Variants in STK3 observed in about 807,000 individuals in gnomAD.
STK3 encodes serine/threonine kinase 3, also known as serine/threonine-protein kinase 3.
Under a neutral mutation model 58.0 loss-of-function variants are expected in STK3, and 41 were observed. The ratio of observed to expected loss-of-function variants is 0.71; its 90% CI spans 0.55 to 0.92. STK3 has a LOEUF of 0.92. Among genes scored for constraint, STK3 ranks in the 40% least tolerant of loss-of-function variants. STK3 has a pLI of 0.00. For missense variants in STK3, 479 were observed against 602.7 expected, an observed-to-expected ratio of 0.79 and a Z score of 2.15; for synonymous variants, 170 against 191.0, an observed-to-expected ratio of 0.89 and a Z score of 0.91.
chr8:98,397,070 A>G (rs537527608), downstream of STK3, among the ~76,000 whole-genome samples: 1 of 152,360 alleles, frequency 6.6e-6, no homozygotes, highest in East Asian at 1.9e-4. Flanking sequence ...CAGAGTCCAC[A>G]CTTTTAACCA....
chr8:98,586,817 T>C (rs1814652352), intron 7 of STK3, among the ~76,000 whole-genome samples: 1 of 152,030 alleles, frequency 6.6e-6, no homozygotes, highest in South Asian at 2.1e-4. Flanking sequence ...CTTCCTGGTT[T>C]AGTCCTGGGA....
chr8:98,777,815 T>C (rs951422907), intron 1 of STK3, among the ~76,000 whole-genome samples: 5 of 152,226 alleles, frequency 3.3e-5, no homozygotes, highest in African/African-American at 7.2e-5. Flanking sequence ...CTGGGAAAAC[T>C]GGCTAGCCAT....
At chr8:98,911,542 C>T (rs568576410) in intron 1 of STK3, among the ~76,000 whole-genome samples, 3 of 152,170 alleles carry the variant, frequency 2.0e-5, no homozygotes, top group Non-Finnish European at 2.9e-5. Context: ...TACAGGCACA[C>T]GCCACCATGC....
intron 1 of STK3, among the ~76,000 whole-genome samples, chr8:98,818,003 T>C (rs1834661453): frequency 6.6e-6 from 1 of 152,158 alleles, no homozygotes; most frequent in South Asian, 2.1e-4. Flanking sequence ...CTAGCCACTG[T>C]CCTCTTCTCC....
chr8:98,613,544 T>C (rs1817369464), intron 6 of STK3, among the ~76,000 whole-genome samples: 1 of 151,716 alleles, frequency 6.6e-6, no homozygotes, highest in South Asian at 2.1e-4. Context: ...AGAATAATAC[T>C]AAAATAAACC....
intron 4 of STK3, among the ~76,000 whole-genome samples, chr8:98,725,157 G>A (rs1020102010): frequency 2.0e-5 from 3 of 152,084 alleles, no homozygotes; most frequent in Non-Finnish European, 2.9e-5. Context: ...ACACACATAA[G>A]ACCTATATGT....
At chr8:98,351,110 A>G in the STK3 span, among the ~76,000 whole-genome samples, 6 of 152,206 alleles carry the variant, frequency 3.9e-5, no homozygotes, top group African/African-American at 1.4e-4. Context: ...ACTGACTTTC[A>G]ACATAAACAT....
chr8:98,385,270 C>T (rs1162851814), intron 1 of STK3, among the ~76,000 whole-genome samples: 3 of 151,622 alleles, frequency 2.0e-5, no homozygotes, highest in African/African-American at 7.3e-5. Context: ...GGGGGGAGGT[C>T]GTGCAATTCA....
intron 6 of STK3, among the ~76,000 whole-genome samples, chr8:98,699,152 A>C (rs1195559516): frequency 6.6e-6 from 1 of 152,182 alleles, no homozygotes; most frequent in African/African-American, 2.4e-5. Context: ...AGTTGATCGC[A>C]TCGGCTCCTG....
intron 9 of STK3, among the ~76,000 whole-genome samples, chr8:98,539,910 T>C (rs1270232357): frequency 1.3e-5 from 2 of 152,142 alleles, no homozygotes; most frequent in East Asian, 3.9e-4. Context: ...CATGCCACCA[T>C]GCCCAGCTAA....
chr8:98,467,524 AC>A (rs1160544093), intron 10 of STK3, among the ~76,000 whole-genome samples: 1 of 148,742 alleles, frequency 6.7e-6, no homozygotes, highest in African/African-American at 2.5e-5. Flanking sequence ...GTCATAGTAC[AC>A]ATCTATTAAC....
downstream of STK3, chr8:98,882,138 C>T (rs777410036): frequency 5.3e-5 from 8 of 152,010 alleles, no homozygotes; most frequent in Non-Finnish European, 1.0e-4. Context: ...AAAATTTATC[C>T]ATGACTTATT....
intron 10 of STK3, among the ~76,000 whole-genome samples, chr8:98,461,913 G>A (rs1156639975): frequency 6.6e-6 from 1 of 151,952 alleles, no homozygotes; most frequent in African/African-American, 2.4e-5. Flanking sequence ...TGCTCTTGGT[G>A]ACATCTTTTT....
At chr8:98,587,636 C>A (rs549368106) in intron 7 of STK3, among the ~76,000 whole-genome samples, 17 of 152,096 alleles carry the variant, frequency 1.1e-4, no homozygotes, top group East Asian at 7.7e-4. Flanking sequence ...GAGCTGAGTT[C>A]AATTCCTGGG....
chr8:98,856,320 C>CAAA (rs71572026), intron 3 of STK3, among the ~76,000 whole-genome samples: 2 of 101,658 alleles, frequency 2.0e-5, no homozygotes, highest in Admixed American at 1.9e-4. Flanking sequence ...GACTCCATCT[C>CAAA]AAAAAAAAAA....
At chr8:98,452,773 T>G (rs1038962878), downstream of STK3, among the ~76,000 whole-genome samples, 1 of 151,602 alleles carries the variant, frequency 6.6e-6, no homozygotes, top group East Asian at 1.9e-4. Context: ...TTTTTTTTTT[T>G]TTTTTGAGAC....
chr8:98,738,958 G>A (rs1192194876), intron 4 of STK3, among the ~76,000 whole-genome samples: 2 of 152,238 alleles, frequency 1.3e-5, no homozygotes, highest in Non-Finnish European at 2.9e-5. Context: ...CTGGCTCGGA[G>A]GGTCCTACGC....
intron 7 of STK3, among the ~76,000 whole-genome samples, chr8:98,586,946 C>A: frequency 6.6e-6 from 1 of 151,512 alleles, no homozygotes; most frequent in Non-Finnish European, 1.5e-5. Flanking sequence ...TGTTGATATC[C>A]CCTTTATCAT....
intron 2 of STK3, among the ~76,000 whole-genome samples, chr8:98,371,926 A>G (rs944859924): frequency 6.6e-6 from 1 of 152,314 alleles, no homozygotes; most frequent in East Asian, 1.9e-4. Context: ...TTATTTGGAA[A>G]TATGGTCTTT....
Sources: allele counts gnomAD v4.1 joint callset (sites outside exome capture counted in the v4.1 genomes callset), GRCh38; gene constraint gnomAD v4.1.1; transcripts MANE v1.5; gene names NCBI Gene and HGNC (gene_info 2026-07-23, HGNC 2026-07-21).